LATS2: variants seen among roughly 807,000 people sequenced by gnomAD.
LATS2 encodes serine/threonine-protein kinase LATS2.
In LATS2, 24 loss-of-function variants were observed where a neutral mutation model predicts 76.0. The ratio of observed to expected loss-of-function variants is 0.32; its 90% CI spans 0.23 to 0.44. The LOEUF (loss-of-function observed/expected upper bound fraction) is 0.44, where lower values mean the gene tolerates loss of function less well. Among genes scored for constraint, LATS2 ranks in the 20% least tolerant of loss-of-function variants. LATS2 has a pLI of 1.00. For synonymous variants in LATS2, 692 were observed against 635.4 expected (o/e 1.09, Z -1.34); for missense variants, 1,286 against 1,481.2 (o/e 0.87, Z 2.16).
At chr13:21,050,119 C>CATAG (rs576222992) in intron 1 of LATS2, among the ~76,000 whole-genome samples, 679 of 26,822 alleles carry the variant, frequency 0.025, 13 homozygotes, top group African/African-American at 0.045. Flanking sequence ...GACTCTGTCT[C>CATAG]ATAGACAGAT....
chr13:21,012,816 T>A (rs1871651326), intron 2 of LATS2, among the ~76,000 whole-genome samples: 1 of 151,934 alleles, frequency 6.6e-6, no homozygotes, highest in African/African-American at 2.4e-5. Flanking sequence ...AAATAAGGGT[T>A]CCTAACCACA....
rs547456141 is a variant in LATS2, at chr13:20,982,414, C to A, written c.2483-766G>T. On this transcript the variant is annotated intron_variant, in intron 5 of 7. Transcript: ENST00000382592. Reference sequence around the variant, plus strand: ...GCAACCTCTGCTTCCCGGGTTCAAGCGATTCTCATGCCTCAGCCTCCCAGT... The same window carrying A: ...GCAACCTCTGCTTCCCGGGTTCAAGAGATTCTCATGCCTCAGCCTCCCAGT... Among the ~76,000 whole-genome samples the A allele has an allele frequency of 4.6e-5, 7 of 152,200 alleles. No homozygotes were observed. In the East Asian group the frequency reaches 9.7e-4, roughly 21 times the overall value.
At chr13:20,992,560 G>GT (rs1870552377) in intron 2 of LATS2, among the ~76,000 whole-genome samples, 1 of 152,156 alleles carries the variant, frequency 6.6e-6, no homozygotes, top group African/African-American at 2.4e-5. Flanking sequence ...AAAGAACACC[G>GT]TTGAGGCTGG....
Position 21,045,944 on chromosome 13 carries a change from T to C in LATS2, c.83A>G (p.Gln28Arg). Residue 28 changes from glutamine (Q) to arginine (R), a missense_variant, in exon 2 of 8, where the codon CAG becomes CGG. Physicochemically the swap from Gln to Arg is conservative, Grantham distance 43. Coordinates refer to ENST00000382592, the MANE Select transcript of LATS2 (RefSeq NM_014572.3). ...CCCCTGAACCGAAGACTTGGATGGC[T>C]GTTTTAACCCCTCACGAATCTCTTG... Reference protein sequence around the residue: ...RLQEIREGLKQPSKSSVQGLP... With the variant: ...RLQEIREGLKRPSKSSVQGLP... 1 of 1,614,192 alleles carries C rather than the reference T, an allele frequency of 6.2e-7. No homozygotes were observed. The highest frequency in any genetic ancestry group is 8.5e-7 in the Non-Finnish European group (1 of 1,180,032).
intron 1 of LATS2, among the ~76,000 whole-genome samples, chr13:21,047,672 G>A (rs924366853): frequency 6.6e-6 from 1 of 151,010 alleles, no homozygotes; most frequent in Admixed American, 6.6e-5. Flanking sequence ...TGTAAACCGC[G>A]ACCCTGCTTC....
chr13:21,058,693 C>CCTCT (rs1202781874), intron 1 of LATS2, among the ~76,000 whole-genome samples: 1 of 152,150 alleles, frequency 6.6e-6, no homozygotes, highest in African/African-American at 2.4e-5. Flanking sequence ...GACAGGCTAG[C>CCTCT]CTCTGCTCAG....
chr13:21,056,236 G>A lies in LATS2; in HGVS notation c.-205+5110C>T, dbSNP rs757199803. Reference sequence around the variant, plus strand: ...GAGTTTCGCCATGAGATGGGGTTTCGCCATGTCACCCAAGCTCGTCTCGAA... The same window carrying A: ...GAGTTTCGCCATGAGATGGGGTTTCACCATGTCACCCAAGCTCGTCTCGAA... On this transcript the variant is annotated intron_variant, in intron 1 of 7. Transcript: ENST00000382592. Among the ~76,000 whole-genome samples the A allele has an allele frequency of 7.2e-5, 11 of 151,948 alleles. No homozygotes were observed. In the South Asian group the frequency reaches 8.3e-4, roughly 11 times the overall value.
chr13:21,011,472 C>G (rs76499893), intron 2 of LATS2, among the ~76,000 whole-genome samples: 112 of 152,272 alleles, frequency 7.4e-4, no homozygotes, highest in African/African-American at 2.6e-3. Context: ...AACTAAAAAG[C>G]AGAAAATATA....
chr13:21,061,090 C>T (rs1471418977), intron 1 of LATS2, among the ~76,000 whole-genome samples: 1 of 151,804 alleles, frequency 6.6e-6, no homozygotes, highest in Non-Finnish European at 1.5e-5. Context: ...TCCCCGGCTC[C>T]TCTGGAACCG....
At chr13:21,014,574 T>C (rs769017966) in intron 2 of LATS2, among the ~76,000 whole-genome samples, 4 of 152,168 alleles carry the variant, frequency 2.6e-5, no homozygotes, top group Non-Finnish European at 4.4e-5. Flanking sequence ...TGAGGATGGA[T>C]GCTAGGAGGA....
intron 2 of LATS2, among the ~76,000 whole-genome samples, chr13:21,034,833 A>G (rs1014222845): frequency 1.3e-5 from 2 of 152,190 alleles, no homozygotes; most frequent in Non-Finnish European, 2.9e-5. Flanking sequence ...ACTCTTAGGA[A>G]AAAAAAGGCA....
chr13:20,980,171 C>CT (rs1423356842), intron 6 of LATS2, among the ~76,000 whole-genome samples: 1 of 152,126 alleles, frequency 6.6e-6, no homozygotes, highest in Non-Finnish European at 1.5e-5. Context: ...TGTGAATAGT[C>CT]AGGTGAGGGT....
chr13:20,979,990 C>G (rs1161456303), intron 6 of LATS2, among the ~76,000 whole-genome samples, 193 bp from the exon 7 acceptor site: 1 of 152,060 alleles, frequency 6.6e-6, no homozygotes, highest in Admixed American at 6.5e-5. Context: ...TGGCCATGGC[C>G]GCTTAGGTTT....
intron 2 of LATS2, among the ~76,000 whole-genome samples, chr13:20,997,380 T>C (rs1870802257): frequency 6.6e-6 from 1 of 152,224 alleles, no homozygotes; most frequent in South Asian, 2.1e-4. Flanking sequence ...GCCCATATGC[T>C]ATCTGATATA....
chr13:21,046,829 G>A (rs1873091209), intron 1 of LATS2, among the ~76,000 whole-genome samples: 1 of 152,168 alleles, frequency 6.6e-6, no homozygotes, highest in Non-Finnish European at 1.5e-5. Context: ...CACACATTAT[G>A]AGACTTTGAA....
Position 21,056,774 on chromosome 13 carries a change from C to T in LATS2, c.-205+4572G>A, listed in dbSNP as rs182569714. Among the ~76,000 whole-genome samples, 348 of 152,250 alleles carry T rather than the reference C, an allele frequency of 2.3e-3. 1 individual carries two copies. Among genetic ancestry groups the T allele is most frequent in the African/African-American group, 7.9e-3 (329 of 41,548 alleles). The stretch of plus-strand genomic sequence containing the variant: ...CCCTGCCTACTTCCATGGAGGAGCA[C>T]AATTCTTCAGGAAGGTGTTGAGATT... On this transcript the variant is annotated intron_variant, in intron 1 of 7. Transcript: ENST00000382592.
chr13:21,018,537 C>A (rs948299622), intron 2 of LATS2, among the ~76,000 whole-genome samples: 2 of 152,258 alleles, frequency 1.3e-5, no homozygotes, highest in African/African-American at 2.4e-5. Context: ...GCAGACCACA[C>A]CCTGCTTGCG....
At chr13:21,026,510 T>C (rs770372276) in intron 2 of LATS2, among the ~76,000 whole-genome samples, 7 of 152,232 alleles carry the variant, frequency 4.6e-5, no homozygotes, top group Non-Finnish European at 8.8e-5. Flanking sequence ...CATTCAACTG[T>C]TGATGGACAC....
rs1305327982 is a variant in LATS2, at chr13:20,988,864, G to A, written c.916C>T (p.Pro306Ser). 7.0e-6 allele frequency: 11 copies of A among 1,580,556 alleles called. No individual in the cohort carries two copies. The highest frequency in any genetic ancestry group is 9.4e-6 in the Non-Finnish European group (11 of 1,169,816). The change falls in exon 4 of 8, where the codon CCC (proline) becomes TCC (serine). Residue 306 changes from proline (P) to serine (S), a missense_variant. Pro to Ser is a moderately conservative substitution (Grantham distance 74). Around this residue, in one of 5 missense-constraint regions of LATS2, gnomAD observed 710 missense variants for 660.9 expected, o/e 1.07. Transcript: ENST00000382592. ...GGCACGTAGAGCCCGGCGGCAGGGG[G>A]TGGGAAAGCGAGGCCGGCGCCTGGC... ...GPPGAGLAFP[P>S]PAAGLYVPHP... is the part of the protein sequence containing the mutation.
Sources: gnomAD v4.1 joint callset for allele counts (sites outside exome capture counted in the v4.1 genomes callset) on GRCh38, gnomAD v4.1.1 for gene constraint, gnomAD v4.1.1 regional missense constraint, MANE v1.5 for transcripts, NCBI Gene and HGNC (gene_info 2026-07-23, HGNC 2026-07-21) for gene names.